The following ACER3 variants were observed in gnomAD, a reference collection of about 807,000 sequenced individuals.
ACER3 encodes alkaline ceramidase 3, also known as alkCDase 3.
A neutral mutation model predicts 48.9 loss-of-function variants in ACER3; 16 were observed. The observed-to-expected ratio is 0.33, with a 90% CI of 0.22 to 0.50. The LOEUF is 0.50. ACER3 is among the 20% of genes least tolerant of loss of function. The pLI, the probability that ACER3 is intolerant of heterozygous loss-of-function variation, is 0.98. For synonymous variants in ACER3, 109 were observed against 107.8 expected, an observed-to-expected ratio of 1.01 and a Z score of -0.07; for missense variants, 227 against 326.0, an observed-to-expected ratio of 0.70 and a Z score of 2.34.
chr11:76,983,982 G>C (rs1420426206), intron 4 of ACER3, among the ~76,000 whole-genome samples: 1 of 151,882 alleles, frequency 6.6e-6, no homozygotes, highest in Non-Finnish European at 1.5e-5. Flanking sequence ...TAGAGATGGG[G>C]TTTCACTGTG....
chr11:77,003,401 G>T (rs1326058440), intron 7 of ACER3, among the ~76,000 whole-genome samples: 1 of 152,194 alleles, frequency 6.6e-6, no homozygotes, highest in African/African-American at 2.4e-5. Context: ...AGGGCTTGCA[G>T]TGATAATCTG....
chr11:76,914,794 C>A lies in ACER3; in HGVS notation c.104-11763C>A, dbSNP rs183602924. Among the ~76,000 whole-genome samples, 1,308 of 152,278 alleles carry A rather than the reference C, an allele frequency of 8.6e-3. 19 individuals are homozygous for A. Among genetic ancestry groups the A allele is most frequent in the African/African-American group, 0.03 (1,251 of 41,536 alleles). On this transcript the variant is annotated intron_variant, in intron 1 of 10. Coordinates refer to ENST00000532485, the MANE Select transcript of ACER3 (RefSeq NM_018367.7). ...CACAATAGCAAAGACTTGGAACCAA[C>A]CCAGATGTCCATCAATGATAGAATG...
At chr11:76,973,819 T>C (rs1328581301) in intron 3 of ACER3, among the ~76,000 whole-genome samples, 1 of 152,178 alleles carries the variant, frequency 6.6e-6, no homozygotes, top group East Asian at 1.9e-4. Context: ...TAATCCAAGG[T>C]CGTGAAGATT....
chr11:76,995,441 T>C (rs754797744), intron 6 of ACER3, among the ~76,000 whole-genome samples: 3 of 152,246 alleles, frequency 2.0e-5, no homozygotes, highest in Non-Finnish European at 2.9e-5. Flanking sequence ...ATTTAACTTT[T>C]ATTAGTTGCT....
intron 1 of ACER3, among the ~76,000 whole-genome samples, chr11:76,887,144 T>TA (rs1372312355): frequency 1.3e-5 from 2 of 152,168 alleles, no homozygotes; most frequent in Non-Finnish European, 2.9e-5. Flanking sequence ...CCTGTAGTCC[T>TA]AGCTACTTGG....
At chr11:76,994,346 T>C (rs186564811) in intron 6 of ACER3, 10 of 357,364 alleles carry the variant, frequency 2.8e-5, no homozygotes, top group Non-Finnish European at 4.9e-5. Flanking sequence ...GCCAGGCTGG[T>C]CTTGAATTCC....
intron 7 of ACER3, among the ~76,000 whole-genome samples, chr11:77,001,579 G>C (rs1263892239): frequency 6.6e-6 from 1 of 152,044 alleles, no homozygotes; most frequent in Non-Finnish European, 1.5e-5. Flanking sequence ...TTTAAGATTT[G>C]CTGCAAATAG....
chr11:76,914,433 C>T (rs1252651129), intron 1 of ACER3, among the ~76,000 whole-genome samples: 1 of 152,150 alleles, frequency 6.6e-6, no homozygotes, highest in Non-Finnish European at 1.5e-5. Flanking sequence ...AGCCCAAAAA[C>T]ACATGAAAAA....
intron 9 of ACER3, among the ~76,000 whole-genome samples, chr11:77,017,517 G>C (rs1444091401): frequency 1.3e-5 from 2 of 152,144 alleles, no homozygotes; most frequent in Admixed American, 6.6e-5. Flanking sequence ...TGGATTAAAA[G>C]ACAAAGCTGT....
chr11:76,904,010 G>A (rs1467537169), intron 1 of ACER3, among the ~76,000 whole-genome samples: 2 of 152,174 alleles, frequency 1.3e-5, no homozygotes, highest in East Asian at 3.9e-4. Context: ...ATTTCGAGAT[G>A]AAGTCTCGCT....
intron 1 of ACER3, among the ~76,000 whole-genome samples, chr11:76,907,248 A>T (rs1300784304): frequency 6.6e-6 from 1 of 152,214 alleles, no homozygotes; most frequent in African/African-American, 2.4e-5. Context: ...TATGAGTGTG[A>T]TCAGTGGCCC....
At chr11:76,896,076 C>T (rs1312647556) in intron 1 of ACER3, among the ~76,000 whole-genome samples, 1 of 152,050 alleles carries the variant, frequency 6.6e-6, no homozygotes, top group African/African-American at 2.4e-5. Context: ...AAAAAGGTTC[C>T]CATATCTGGA....
chr11:76,876,778 CTT>C (rs1163379480), intron 1 of ACER3, among the ~76,000 whole-genome samples: 4 of 152,134 alleles, frequency 2.6e-5, no homozygotes, highest in Non-Finnish European at 5.9e-5. Flanking sequence ...ATTTTTAACT[CTT>C]GTCTTCTTTC....
intron 2 of ACER3, among the ~76,000 whole-genome samples, chr11:76,948,682 C>T (rs1440114664): frequency 6.6e-6 from 1 of 152,148 alleles, no homozygotes; most frequent in South Asian, 2.1e-4. Context: ...ATCATGTATT[C>T]TAGGTCCCTT....
chr11:76,907,434 A>C (rs965615725), intron 1 of ACER3, among the ~76,000 whole-genome samples: 6 of 152,194 alleles, frequency 3.9e-5, no homozygotes, highest in African/African-American at 1.4e-4. Flanking sequence ...GTTCTCTTTC[A>C]TATTGTTTCC....
intron 1 of ACER3, among the ~76,000 whole-genome samples, chr11:76,909,820 C>T (rs774665563): frequency 7.1e-4 from 108 of 152,054 alleles, no homozygotes; most frequent in Non-Finnish European, 1.5e-3. Flanking sequence ...CACATGCACA[C>T]GTATGTTTAT....
rs573134316 is a variant in ACER3 at position 76,929,551 on chromosome 11, A to T, written c.214+2884A>T. On this transcript the variant is annotated intron_variant, in intron 2 of 10. Transcript: ENST00000532485. Reference sequence around the variant, plus strand: ...CCCTGTCTTGTGCCAGTTTTCAAAGAGAATGCTTCCAGTTTTTGCCCATTC... The same window carrying T: ...CCCTGTCTTGTGCCAGTTTTCAAAGTGAATGCTTCCAGTTTTTGCCCATTC... 1.4e-4 allele frequency among the ~76,000 whole-genome samples: 22 copies of T among 152,272 alleles called. No individual in the cohort carries two copies. The East Asian group carries it at 4.2e-3, about 29-fold the overall frequency.
At chr11:76,899,596 C>T (rs530623155) in intron 1 of ACER3, among the ~76,000 whole-genome samples, 24 of 152,326 alleles carry the variant, frequency 1.6e-4, no homozygotes, top group African/African-American at 5.8e-4. Context: ...GCTAACACGT[C>T]CAGACTATTA....
chr11:76,944,992 T>C (rs1293239870), intron 2 of ACER3, among the ~76,000 whole-genome samples: 1 of 152,012 alleles, frequency 6.6e-6, no homozygotes, highest in Non-Finnish European at 1.5e-5. Flanking sequence ...TGGTCTAGTC[T>C]ATTATTGAAG....
Sources: allele counts gnomAD v4.1 joint callset (sites outside exome capture counted in the v4.1 genomes callset), GRCh38; gene constraint gnomAD v4.1.1; transcripts MANE v1.5; gene names NCBI Gene and HGNC (gene_info 2026-07-23, HGNC 2026-07-21).